Variants in TRIM24 observed in about 807,000 individuals in gnomAD.
TRIM24 encodes the protein tripartite motif containing 24.
TRIM24 carries 29 observed loss-of-function variants against 123.9 expected under a neutral mutation model. The observed-to-expected ratio is 0.23, with a 90% CI of 0.17 to 0.32. The LOEUF is 0.32. Ranked by LOEUF, TRIM24 falls within the 10% of genes least tolerant of loss-of-function variation. The pLI is 1.00. For missense variants in TRIM24, 932 were observed against 1,295.3 expected, an observed-to-expected ratio of 0.72 and a Z score of 4.31; for synonymous variants, 456 against 461.1, an observed-to-expected ratio of 0.99 and a Z score of 0.14.
chr7:138,515,482 G>A (rs571225961), intron 3 of TRIM24, 123 bp downstream of exon 3: 1 of 1,186,514 alleles, frequency 8.4e-7, no homozygotes, highest in African/African-American at 1.5e-5. Flanking sequence ...TTAAGTAAAA[G>A]AGGTTTATAT....
intron 1 of TRIM24, among the ~76,000 whole-genome samples, chr7:138,462,542 GT>G (rs1563018329): frequency 2.0e-5 from 3 of 151,430 alleles, no homozygotes; most frequent in Non-Finnish European, 4.4e-5. Context: ...GGGTTTCACC[GT>G]GTTAGCCAGG....
chr7:138,545,202 A>G (rs140876305), intron 7 of TRIM24, among the ~76,000 whole-genome samples: 2 of 152,242 alleles, frequency 1.3e-5, no homozygotes, highest in African/African-American at 2.4e-5. Context: ...ATATTCACAT[A>G]AAAACTATCA....
intron 7 of TRIM24, among the ~76,000 whole-genome samples, chr7:138,539,649 C>T (rs141718637): frequency 3.5e-3 from 539 of 152,042 alleles, no homozygotes; most frequent in African/African-American, 0.012. Context: ...TCCAGACTAT[C>T]GCAGTAAAGC....
At chr7:138,576,308 T>G in intron 12 of TRIM24, 65 bp from the exon 13 acceptor site, 1 of 1,450,304 alleles carries the variant, frequency 6.9e-7, no homozygotes, top group Non-Finnish European at 9.7e-7. Flanking sequence ...AGTGAACACA[T>G]TCAACAGGAC....
At position 138,460,471 on chromosome 7, in the gene TRIM24, CAGG is replaced by C. The variant is rs1198037941; in HGVS notation, c.-65_-63del. 137 of 1,239,870 alleles carry C rather than the reference CAGG, an allele frequency of 1.1e-4. No homozygotes were observed. The highest frequency in any genetic ancestry group is 3.1e-4 in the South Asian group (9 of 28,794). 76.8% of individuals were successfully genotyped at this position (1,239,870 alleles called of 1,614,324 possible). ...CCGAGCGGCCTCTGAGGAGCAGCCG[CAGG>C]AGGAGGAGGAGGTCGTCGGGGGCGG... is the stretch of plus-strand genomic sequence containing the variant. On this transcript the variant is annotated 5_prime_UTR_variant, in exon 1 of 19. Transcript: ENST00000343526.
chr7:138,488,986 T>A (rs1795718235), intron 1 of TRIM24, among the ~76,000 whole-genome samples: 1 of 152,174 alleles, frequency 6.6e-6, no homozygotes, highest in East Asian at 1.9e-4. Flanking sequence ...GGAGTCTAAG[T>A]CTCTTTGTAG....
intron 3 of TRIM24, among the ~76,000 whole-genome samples, chr7:138,516,218 C>A (rs988867727): frequency 6.6e-6 from 1 of 152,152 alleles, no homozygotes; most frequent in Non-Finnish European, 1.5e-5. Flanking sequence ...AGGAGAATGG[C>A]GTGAACCCGG....
rs181367440 is a variant in TRIM24, at chr7:138,555,643, C to T, written c.1530+677C>T. ...GACTATAGGCATGTGCCACCACACC[C>T]GGCTAATTTTTTGTATTTTTAGTAG... On this transcript the variant is annotated intron_variant, in intron 9 of 18. Transcript: ENST00000343526. Among the ~76,000 whole-genome samples the T allele has an allele frequency of 4.7e-3, 722 of 152,050 alleles. 5 individuals are homozygous for T. Among genetic ancestry groups the T allele is most frequent in the Middle Eastern group, 0.027 (8 of 294 alleles).
intron 2 of TRIM24, among the ~76,000 whole-genome samples, chr7:138,508,692 T>TGC (rs60180839): frequency 0.21 from 28,218 of 136,954 alleles, 3,293 homozygotes; most frequent in Middle Eastern, 0.27. Context: ...TGTGTGTGTG[T>TGC]GCGCGCGCGT....
intron 1 of TRIM24, among the ~76,000 whole-genome samples, chr7:138,482,605 C>T (rs1354765597): frequency 6.6e-6 from 1 of 152,148 alleles, no homozygotes; most frequent in Non-Finnish European, 1.5e-5. Flanking sequence ...TTTACCGACT[C>T]GTTAAGTATA....
intron 1 of TRIM24, among the ~76,000 whole-genome samples, chr7:138,487,654 T>C (rs1563029062): frequency 6.6e-6 from 1 of 152,226 alleles, no homozygotes; most frequent in African/African-American, 2.4e-5. Flanking sequence ...CGTTTCTCAA[T>C]ATGCATATGT....
chr7:138,551,007 T>C (rs993650467), intron 7 of TRIM24, 56 bp from the exon 8 acceptor site: 2 of 1,410,574 alleles, frequency 1.4e-6, no homozygotes, highest in Non-Finnish European at 1.0e-6. Context: ...GTATATTTAC[T>C]GGGCGCTTAA....
rs528136057 is a variant in TRIM24, at chr7:138,559,612, G to A, written c.1530+4646G>A. 2.3e-4 allele frequency among the ~76,000 whole-genome samples: 35 copies of A among 152,256 alleles called. No homozygotes were observed. The East Asian group carries it at 6.8e-3, about 29-fold the overall frequency. The stretch of plus-strand genomic sequence containing the variant: ...TCAAGCTTCAGCCGTGCATAGACTG[G>A]TCAGCTTCCAGGGTGACCAGAGCAA... On this transcript the variant is annotated intron_variant, in intron 9 of 18. Coordinates refer to ENST00000343526, the MANE Select transcript of TRIM24 (RefSeq NM_015905.3).
chr7:138,499,268 C>T (rs1484590515), intron 1 of TRIM24, among the ~76,000 whole-genome samples: 7 of 152,086 alleles, frequency 4.6e-5, no homozygotes, highest in Admixed American at 1.3e-4. Context: ...ATTAAGTCCT[C>T]CTGGTTTCAT....
At chr7:138,568,409 T>A (rs867206911) in intron 10 of TRIM24, among the ~76,000 whole-genome samples, 222 of 117,312 alleles carry the variant, frequency 1.9e-3, no homozygotes, top group African/African-American at 5.4e-3. Context: ...TTTTTTTTTT[T>A]AAAGTCTCTC....
intron 13 of TRIM24, among the ~76,000 whole-genome samples, chr7:138,576,694 A>T (rs1269055259): frequency 6.6e-6 from 1 of 152,222 alleles, no homozygotes; most frequent in Non-Finnish European, 1.5e-5. Flanking sequence ...TTCATATAAT[A>T]GCAAAGAAAA....
chr7:138,579,530 A>C lies in TRIM24; in HGVS notation c.2583A>C (p.Pro861=). 6.3e-7 allele frequency: 1 copy of C among 1,595,382 alleles called. No individual in the cohort carries two copies. The highest frequency in any genetic ancestry group is 8.6e-7 in the Non-Finnish European group (1 of 1,169,152). ...ATGTGCCCACATTGACAAATTTTCCAAGGTAAGATAGTACTTCCCTTCCCA... is the reference window on the plus strand; with the variant it reads ...ATGTGCCCACATTGACAAATTTTCCCAGGTAAGATAGTACTTCCCTTCCCA... ...SCHVPTLTNF[P]SGEWICTFCR... Residue 861 remains proline (P), a splice_region_variant and synonymous_variant, in exon 15 of 19, where the codon CCA becomes CCC. Transcript: ENST00000343526.
In TRIM24 at chr7:138,532,179, G is replaced by A. The variant is rs547425750; in HGVS notation, c.996+2949G>A. On this transcript the variant is annotated intron_variant, in intron 6 of 18. Transcript: ENST00000343526. ...ATTCTGTAGGTTGCCTGTTCACTCT[G>A]ATGGTAGTTTCTTTTGCTGTGTAGA... Among the ~76,000 whole-genome samples the A allele has an allele frequency of 4.6e-5, 7 of 151,906 alleles. No homozygotes were observed. In the South Asian group the frequency reaches 1.4e-3, roughly 31 times the overall value.
chr7:138,529,129 A>T lies in TRIM24; in HGVS notation c.895A>T (p.Asn299Tyr), dbSNP rs1239587293. The T allele has an allele frequency of 1.3e-6, 2 of 1,545,454 alleles. No homozygotes were observed. The highest frequency in any genetic ancestry group is 1.7e-6 in the Non-Finnish European group (2 of 1,148,940). Residue 299 changes from asparagine (N) to tyrosine (Y), a missense_variant, in exon 6 of 19, where the codon AAT becomes TAT. Coordinates refer to ENST00000343526, the MANE Select transcript of TRIM24 (RefSeq NM_015905.3). ...NQIQNRIIEVNQNQKQVEQDI... is the reference protein window; with the variant it reads ...NQIQNRIIEVYQNQKQVEQDI... The stretch of plus-strand genomic sequence containing the variant: ...TTTAATTTTCAGAATTATTGAAGTA[A>T]ATCAAAATCAAAAGCAGGTGGAACA...
Sources: allele counts gnomAD v4.1 joint callset (sites outside exome capture counted in the v4.1 genomes callset), GRCh38; gene constraint gnomAD v4.1.1; transcripts MANE v1.5; gene names NCBI Gene and HGNC (gene_info 2026-07-23, HGNC 2026-07-21).